UGT2B15: variants seen among roughly 807,000 people sequenced by gnomAD.
UGT2B15 encodes the protein UDP glucuronosyltransferase family 2 member B15, also known as UDP-glucuronosyltransferase 2B15.
Under a neutral mutation model 45.9 loss-of-function variants are expected in UGT2B15, and 36 were observed. The observed-to-expected ratio is 0.78, with a 90% CI of 0.60 to 1.04. The LOEUF (loss-of-function observed/expected upper bound fraction) is 1.04. UGT2B15 is among the 50% of genes least tolerant of loss of function. The pLI, the probability that UGT2B15 is intolerant of heterozygous loss-of-function variation, is 0.00. For missense variants in UGT2B15, 617 were observed against 622.4 expected, an observed-to-expected ratio of 0.99 and a Z score of 0.09; for synonymous variants, 219 against 216.4, an observed-to-expected ratio of 1.01 and a Z score of -0.11.
chr4:68,647,042 C>T lies in UGT2B15; in HGVS notation c.*62G>A. 1 of 1,550,516 alleles carries T rather than the reference C, an allele frequency of 6.4e-7. No homozygotes were observed. The stretch of plus-strand genomic sequence containing the variant: ...AAGGAAATCCTCCATTTAAAACCCT[C>T]CATGCTGAAATAAAGGAGGAGTCCC... On this transcript the variant is annotated 3_prime_UTR_variant, in exon 6 of 6. Coordinates refer to ENST00000338206, the MANE Select transcript of UGT2B15 (RefSeq NM_001076.4).
intron 3 of UGT2B15, among the ~76,000 whole-genome samples, chr4:68,658,432 C>T (rs1184797803): frequency 1.3e-5 from 2 of 151,850 alleles, no homozygotes; most frequent in Admixed American, 6.6e-5. Context: ...TAAGAATTTC[C>T]AGCATATATT....
At chr4:68,652,639 A>G (rs1159676758) in intron 5 of UGT2B15, among the ~76,000 whole-genome samples, 1 of 151,558 alleles carries the variant, frequency 6.6e-6, no homozygotes, top group East Asian at 1.9e-4. Context: ...TTTCCTTTGG[A>G]TTATGGAAAA....
intron 5 of UGT2B15, among the ~76,000 whole-genome samples, chr4:68,647,698 T>A (rs1270913955): frequency 6.6e-6 from 1 of 152,054 alleles, no homozygotes; most frequent in South Asian, 2.1e-4. Flanking sequence ...AATTTGAGAA[T>A]GATCTTTTTG....
At chr4:68,650,259 C>G (rs1578193540) in intron 5 of UGT2B15, among the ~76,000 whole-genome samples, 3 of 151,978 alleles carry the variant, frequency 2.0e-5, no homozygotes, top group Admixed American at 1.3e-4. Context: ...AACCTGTCAT[C>G]TAGATTTTAA....
intron 2 of UGT2B15, among the ~76,000 whole-genome samples, chr4:68,666,748 A>ATTTTTTT (rs1455065826): frequency 9.7e-5 from 8 of 82,480 alleles, no homozygotes; most frequent in South Asian, 4.7e-4. Context: ...ATATATATAT[A>ATTTTTTT]TATATTTTTT....
chr4:68,655,216 A>C (rs369116334), intron 3 of UGT2B15, 34 bp from the exon 4 acceptor site: 1 of 1,603,236 alleles, frequency 6.2e-7, no homozygotes, highest in African/African-American at 1.3e-5. Flanking sequence ...TGTTCAATGA[A>C]TAGAACTCTA....
chr4:68,661,394 CA>C (rs1342758053), intron 3 of UGT2B15, among the ~76,000 whole-genome samples: 4 of 151,910 alleles, frequency 2.6e-5, no homozygotes, highest in African/African-American at 9.7e-5. Flanking sequence ...ACAAGATTAT[CA>C]ATGAAATATT....
At chr4:68,662,130 G>A (rs1732985755) in intron 3 of UGT2B15, among the ~76,000 whole-genome samples, 1 of 152,064 alleles carries the variant, frequency 6.6e-6, no homozygotes, top group African/African-American at 2.4e-5. Context: ...GGCTATGTCA[G>A]ATAAGAAACT....
intron 5 of UGT2B15, 39 bp downstream of exon 5, chr4:68,653,998 T>C: frequency 6.3e-7 from 1 of 1,599,302 alleles, no homozygotes; most frequent in Non-Finnish European, 8.6e-7. Flanking sequence ...GACAAAATAA[T>C]TTATAAATAC....
At chr4:68,667,933 T>G in intron 2 of UGT2B15, 107 bp downstream of exon 2, 1 of 1,499,814 alleles carries the variant, frequency 6.7e-7, no homozygotes, top group Non-Finnish European at 9.0e-7. Flanking sequence ...TCCTTGTTTT[T>G]GACCTCCCAT....
At chr4:68,651,899 A>G (rs1448694384) in intron 5 of UGT2B15, among the ~76,000 whole-genome samples, 1 of 152,026 alleles carries the variant, frequency 6.6e-6, no homozygotes, top group African/African-American at 2.4e-5. Flanking sequence ...TTTTTTTCTA[A>G]TTCTGTGAGG....
At chr4:68,664,291 A>G (rs1309817540) in intron 2 of UGT2B15, among the ~76,000 whole-genome samples, 37 of 151,234 alleles carry the variant, frequency 2.4e-4, no homozygotes. Flanking sequence ...AGAGAGAGAA[A>G]GAGGAAAAGA....
chr4:68,666,733 C>CATATAT (rs975003043), intron 2 of UGT2B15, among the ~76,000 whole-genome samples: 1 of 136,366 alleles, frequency 7.3e-6, no homozygotes, highest in Admixed American at 7.8e-5. Context: ...TATCAAATTA[C>CATATAT]ATATATATAT....
In UGT2B15 at chr4:68,654,025, T is replaced by A. The variant is rs753458615; in HGVS notation, c.1313+12A>T. 11 of 1,609,546 alleles carry A rather than the reference T, an allele frequency of 6.8e-6. No homozygotes were observed. The highest frequency in any genetic ancestry group is 9.3e-6 in the Non-Finnish European group (11 of 1,176,550). ...TATAAATACCACCTGGTCACAAAAC[T>A]GTAATACTCACACAGGGTCATTAAT... is the stretch of plus-strand genomic sequence containing the variant. On this transcript the variant is annotated intron_variant, in intron 5 of 5. Coordinates refer to ENST00000338206, the MANE Select transcript of UGT2B15 (RefSeq NM_001076.4).
intron 1 of UGT2B15, 52 bp from the exon 2 acceptor site, chr4:68,668,240 A>G (rs1413366981): frequency 1.2e-6 from 2 of 1,606,600 alleles, no homozygotes; most frequent in Middle Eastern, 3.3e-4. Flanking sequence ...GAGAATTGTT[A>G]TTTGAATATG....
chr4:68,661,422 G>T (rs1419105636), intron 3 of UGT2B15, among the ~76,000 whole-genome samples: 3 of 151,904 alleles, frequency 2.0e-5, no homozygotes, highest in Non-Finnish European at 4.4e-5. Flanking sequence ...TTTAAGAATT[G>T]TTAAGCAGTC....
intron 3 of UGT2B15, among the ~76,000 whole-genome samples, chr4:68,659,878 A>C (rs191916334): frequency 6.6e-6 from 1 of 152,048 alleles, no homozygotes; most frequent in African/African-American, 2.4e-5. Context: ...ATAATAAAAA[A>C]CTAAAGTAAT....
At chr4:68,661,098 G>C (rs1018582298) in intron 3 of UGT2B15, among the ~76,000 whole-genome samples, 1 of 151,940 alleles carries the variant, frequency 6.6e-6, no homozygotes, top group Non-Finnish European at 1.5e-5. Context: ...TTAGAGATCA[G>C]ATGAAAACCT....
chr4:68,658,577 T>A (rs1212835504), intron 3 of UGT2B15, among the ~76,000 whole-genome samples: 1 of 152,212 alleles, frequency 6.6e-6, no homozygotes, highest in East Asian at 1.9e-4. Context: ...TGTAATTTTT[T>A]AATAAATAAG....
Sources: gnomAD v4.1 joint callset for allele counts (sites outside exome capture counted in the v4.1 genomes callset) on GRCh38, gnomAD v4.1.1 for gene constraint, MANE v1.5 for transcripts, NCBI Gene and HGNC (gene_info 2026-07-23, HGNC 2026-07-21) for gene names.